Variants in ANXA5 observed in about 807,000 individuals in gnomAD.
The protein encoded by ANXA5 is annexin A5.
In ANXA5, 40 loss-of-function variants were observed where a neutral mutation model predicts 48.1. The observed-to-expected ratio is 0.83, with a 90% CI of 0.65 to 1.08. The LOEUF (loss-of-function observed/expected upper bound fraction) is 1.08, where lower values mean the gene tolerates loss of function less well. Ranked by LOEUF, ANXA5 falls within the 50% of genes least tolerant of loss-of-function variation. The probability of loss-of-function intolerance (pLI) is 0.00; values close to 1 mark genes in which losing one functional copy is unlikely to be tolerated. For synonymous variants in ANXA5, 113 were observed against 129.1 expected (o/e 0.88, Z 0.85); for missense variants, 357 against 376.8 (o/e 0.95, Z 0.44).
chr4:121,675,915 T>C (rs62320625), intron 8 of ANXA5, among the ~76,000 whole-genome samples: 24,972 of 152,220 alleles, frequency 0.16, 2,164 homozygotes, highest in Non-Finnish European at 0.2. Flanking sequence ...TAAAATGTAC[T>C]GTTTTCCCCT....
In ANXA5 at chr4:121,692,109, C is replaced by A. The variant is rs556218454; in HGVS notation, c.9+4472G>T. On this transcript the variant is annotated intron_variant, in intron 2 of 12. Transcript: ENST00000296511. ...TGTGTAATTTCCTTTCCTTTTCATGCTCCATCTTACTTGTTTTTGCTTCTT... is the reference window on the plus strand; with the variant it reads ...TGTGTAATTTCCTTTCCTTTTCATGATCCATCTTACTTGTTTTTGCTTCTT... Among the ~76,000 whole-genome samples the A allele has an allele frequency of 2.0e-5, 3 of 152,252 alleles. No homozygotes were observed. The South Asian group carries it at 6.2e-4, about 32-fold the overall frequency.
chr4:121,694,624 C>T (rs1256818860), intron 2 of ANXA5, among the ~76,000 whole-genome samples: 1 of 152,156 alleles, frequency 6.6e-6, no homozygotes, highest in Non-Finnish European at 1.5e-5. Flanking sequence ...ACCTCGTGAT[C>T]CACGTGCCTC....
At chr4:121,677,355 T>C (rs1412213876) in intron 8 of ANXA5, among the ~76,000 whole-genome samples, 3 of 152,202 alleles carry the variant, frequency 2.0e-5, no homozygotes, top group South Asian at 4.1e-4. Flanking sequence ...ACTGAGACTT[T>C]ATAGGGGTTT....
At position 121,670,026 on chromosome 4, in the gene ANXA5, C is replaced by T. The variant is rs371378787; in HGVS notation, c.722-14G>A. The T allele has an allele frequency of 7.5e-5, 118 of 1,569,182 alleles. No individual in the cohort carries two copies. Among genetic ancestry groups the T allele is most frequent in the Admixed American group, 1.5e-4 (8 of 54,834 alleles). On this transcript the variant is annotated splice_polypyrimidine_tract_variant and intron_variant, in intron 10 of 12. Coordinates refer to ENST00000296511, the MANE Select transcript of ANXA5 (RefSeq NM_001154.4). ...GAATAGATTTCACTAAGAAAATAAA[C>T]AATACAATGGTCAAATGCTATTTTG...
intron 2 of ANXA5, among the ~76,000 whole-genome samples, chr4:121,694,110 AG>A (rs1451774438): frequency 1.4e-4 from 1 of 6,956 alleles, no homozygotes; most frequent in Non-Finnish European, 3.1e-4. Flanking sequence ...GGCGGGGGGG[AG>A]GGGGGAGGGA....
At chr4:121,684,152 T>C (rs1724837329) in intron 4 of ANXA5, among the ~76,000 whole-genome samples, 1 of 152,182 alleles carries the variant, frequency 6.6e-6, no homozygotes, top group Non-Finnish European at 1.5e-5. Flanking sequence ...CAAGACTACA[T>C]TTAAGTTTTC....
chr4:121,682,603 C>G (rs553148185), intron 5 of ANXA5, among the ~76,000 whole-genome samples: 1 of 151,944 alleles, frequency 6.6e-6, no homozygotes, highest in Non-Finnish European at 1.5e-5. Flanking sequence ...TTGTTTATTC[C>G]AAAAGAATCA....
rs1292663247 is a variant in ANXA5, at chr4:121,668,004, G to C, written c.*464C>G. The C allele has an allele frequency of 6.5e-6, 1 of 152,984 alleles. No homozygotes were observed. Among genetic ancestry groups the C allele is most frequent in the African/African-American group, 2.4e-5 (1 of 41,388 alleles). The allele number at this position is 152,984 out of a possible 1,614,324, so 9.5% of individuals were successfully genotyped here. ...ACACACATGTACACATAATTCAGGG[G>C]GACAGAAATGTTTATTTTTCATTAA... On this transcript the variant is annotated 3_prime_UTR_variant, in exon 13 of 13. Coordinates refer to ENST00000296511, the MANE Select transcript of ANXA5 (RefSeq NM_001154.4).
intron 2 of ANXA5, among the ~76,000 whole-genome samples, chr4:121,687,843 A>G (rs1022016909): frequency 1.3e-5 from 2 of 152,120 alleles, no homozygotes; most frequent in Non-Finnish European, 2.9e-5. Context: ...CTTCTCAACT[A>G]GTCCTTGTCA....
chr4:121,696,545 G>A, intron 2 of ANXA5, 36 bp downstream of exon 2: 1 of 1,364,886 alleles, frequency 7.3e-7, no homozygotes. Flanking sequence ...CAAAGTTGTG[G>A]GTAAATCCAG....
chr4:121,671,966 T>C (rs908342754), intron 9 of ANXA5, among the ~76,000 whole-genome samples: 11 of 152,168 alleles, frequency 7.2e-5, no homozygotes, highest in Non-Finnish European at 5.9e-5. Context: ...TCCTTCCTGC[T>C]GTGAAATGGT....
At chr4:121,690,077 A>G (rs1349003891) in intron 2 of ANXA5, among the ~76,000 whole-genome samples, 1 of 152,214 alleles carries the variant, frequency 6.6e-6, no homozygotes, top group Non-Finnish European at 1.5e-5. Flanking sequence ...CTACAATCAG[A>G]GTGGCAGCTA....
intron 8 of ANXA5, among the ~76,000 whole-genome samples, chr4:121,677,134 T>C (rs1724712996): frequency 6.6e-6 from 1 of 152,200 alleles, no homozygotes; most frequent in South Asian, 2.1e-4. Context: ...GTTGTTCCAC[T>C]GGAGGAATGA....
At chr4:121,672,691 A>T in intron 8 of ANXA5, 65 bp from the exon 9 acceptor site, 1 of 1,216,456 alleles carries the variant, frequency 8.2e-7, no homozygotes, top group Non-Finnish European at 1.2e-6. Flanking sequence ...TCTTAAACAC[A>T]CTTGTTTTTT....
rs112038662 is a variant in ANXA5, at chr4:121,685,838, G to T, written c.94+450C>A. ...CGACTCGGGCCTCTACCACACAGGT[G>T]AGGGTGACAAGCTCAAAAGCACAGA... On this transcript the variant is annotated intron_variant, in intron 3 of 12. Transcript: ENST00000296511. Among the ~76,000 whole-genome samples, 461 of 152,270 alleles carry T rather than the reference G, an allele frequency of 3.0e-3. 3 individuals are homozygous for T. Among genetic ancestry groups the T allele is most frequent in the African/African-American group, 0.011 (438 of 41,552 alleles).
At chr4:121,686,499 TTGTG>T in intron 2 of ANXA5, 127 bp from the exon 3 acceptor site, 1 of 718,544 alleles carries the variant, frequency 1.4e-6, no homozygotes, top group Non-Finnish European at 2.3e-6. Context: ...TTGATAAGAT[TTGTG>T]ACCCCTTTTG....
At chr4:121,685,401 G>A (rs1012520083) in intron 3 of ANXA5, among the ~76,000 whole-genome samples, 4 of 152,134 alleles carry the variant, frequency 2.6e-5, no homozygotes, top group African/African-American at 7.2e-5. Context: ...TGGAGAAGGT[G>A]ACACCCACAA....
At chr4:121,692,239 A>G (rs1724999393) in intron 2 of ANXA5, among the ~76,000 whole-genome samples, 1 of 152,374 alleles carries the variant, frequency 6.6e-6, no homozygotes, top group South Asian at 2.1e-4. Context: ...GCATCGTGGT[A>G]GAAAAGAAGG....
intron 2 of ANXA5, among the ~76,000 whole-genome samples, chr4:121,694,748 C>T (rs1725049681): frequency 6.6e-6 from 1 of 152,132 alleles, no homozygotes; most frequent in African/African-American, 2.4e-5. Flanking sequence ...AAAACTAGAA[C>T]AAAATTTAAC....
Sources: gnomAD v4.1 joint callset for allele counts (sites outside exome capture counted in the v4.1 genomes callset) on GRCh38, gnomAD v4.1.1 for gene constraint, MANE v1.5 for transcripts, NCBI Gene and HGNC (gene_info 2026-07-23, HGNC 2026-07-21) for gene names.